The following HEG1 variants were observed in gnomAD, a reference collection of about 807,000 sequenced individuals.
HEG1 encodes the protein protein HEG homolog 1.
Under a neutral mutation model 125.6 loss-of-function variants are expected in HEG1, and 56 were observed. That is an observed-to-expected ratio of 0.45 (90% CI 0.36 to 0.56). HEG1 has a LOEUF of 0.56. Ranked by LOEUF, HEG1 falls within the 20% of genes least tolerant of loss-of-function variation. The pLI, the probability that HEG1 is intolerant of heterozygous loss-of-function variation, is 0.00. For missense variants in HEG1, 1,523 were observed against 1,670.0 expected, an observed-to-expected ratio of 0.91 and a Z score of 1.53; for synonymous variants, 644 against 668.5, an observed-to-expected ratio of 0.96 and a Z score of 0.57.
intron 1 of HEG1, among the ~76,000 whole-genome samples, chr3:125,037,647 T>G (rs566623916): frequency 6.6e-6 from 1 of 152,370 alleles, no homozygotes; most frequent in South Asian, 2.1e-4. Flanking sequence ...TGCTGGGCCC[T>G]GCTGGCCCCA....
At chr3:124,970,900 T>C (rs1375773730) in intron 16 of HEG1, 99 bp from the exon 17 acceptor site, 2 of 1,032,332 alleles carry the variant, frequency 1.9e-6, no homozygotes, top group Admixed American at 2.3e-5. Flanking sequence ...TAAGAAAAGA[T>C]CTGGGTTTAT....
At chr3:125,005,482 G>T in intron 8 of HEG1, 114 bp from the exon 9 acceptor site, 1 of 589,186 alleles carries the variant, frequency 1.7e-6, no homozygotes, top group Non-Finnish European at 2.9e-6. Flanking sequence ...GACAATCTCT[G>T]CATTTCTTTC....
intron 1 of HEG1, among the ~76,000 whole-genome samples, chr3:125,051,890 C>G (rs1333417952): frequency 6.6e-6 from 1 of 152,138 alleles, no homozygotes; most frequent in African/African-American, 2.4e-5. Flanking sequence ...TGCTGGAAGG[C>G]AGGAGGGATC....
chr3:125,019,353 G>C lies in HEG1; in HGVS notation c.1497C>G (p.His499Gln). The change falls in exon 5 of 17, where the codon CAC (histidine) becomes CAG (glutamine). Residue 499 changes from histidine to glutamine, a missense_variant. Transcript: ENST00000311127. ...SDSTVQSGGS[H>Q]TALGDRSYSE... ...AATAACTCCTATCTCCCAATGCTGT[G>C]TGACTTCCTCCAGACTGTACAGTAG... is the stretch of plus-strand genomic sequence containing the variant. 2 of 1,614,048 alleles carry C rather than the reference G, an allele frequency of 1.2e-6. No individual in the cohort carries two copies. The highest frequency in any genetic ancestry group is 1.7e-6 in the Non-Finnish European group (2 of 1,179,890).
chr3:124,979,914 C>G (rs1473436648), intron 14 of HEG1, among the ~76,000 whole-genome samples: 2 of 152,180 alleles, frequency 1.3e-5, no homozygotes, highest in African/African-American at 4.8e-5. Context: ...AACAATTTTC[C>G]TATCCTTTTA....
At chr3:124,995,751 G>A (rs1262062647) in intron 12 of HEG1, among the ~76,000 whole-genome samples, 1 of 152,204 alleles carries the variant, frequency 6.6e-6, no homozygotes, top group South Asian at 2.1e-4. Flanking sequence ...GTGAATCAAG[G>A]TTTCCTTATG....
chr3:124,994,533 T>A (rs937159616), intron 12 of HEG1, among the ~76,000 whole-genome samples: 8 of 147,190 alleles, frequency 5.4e-5, no homozygotes, highest in African/African-American at 1.8e-4. Context: ...GGAGACGGAG[T>A]CTTGCTCTGT....
chr3:124,989,684 C>A (rs1214534114), intron 14 of HEG1, among the ~76,000 whole-genome samples: 1 of 152,180 alleles, frequency 6.6e-6, no homozygotes, highest in South Asian at 2.1e-4. Flanking sequence ...CCCTCTACTT[C>A]CACCTGGAGC....
At chr3:124,984,201 A>C (rs1408072083) in intron 14 of HEG1, among the ~76,000 whole-genome samples, 1 of 152,162 alleles carries the variant, frequency 6.6e-6, no homozygotes. Context: ...ACAGTGTAGA[A>C]AGATATTTAA....
chr3:125,020,052 C>G (rs1200086268), intron 4 of HEG1, among the ~76,000 whole-genome samples: 2 of 152,194 alleles, frequency 1.3e-5, no homozygotes, highest in Admixed American at 1.3e-4. Context: ...TTAAGCCAAA[C>G]CACGAATTTG....
intron 4 of HEG1, 130 bp downstream of exon 4, chr3:125,020,662 C>T: frequency 1.4e-6 from 1 of 697,758 alleles, no homozygotes; most frequent in Non-Finnish European, 2.4e-6. Flanking sequence ...GAGTGACCAT[C>T]AAAATGCAAT....
At chr3:125,022,328 T>G (rs1380368410) in intron 3 of HEG1, among the ~76,000 whole-genome samples, 1 of 151,872 alleles carries the variant, frequency 6.6e-6, no homozygotes, top group African/African-American at 2.4e-5. Context: ...TTACAAACAT[T>G]TCCTTGAAGA....
At chr3:124,975,288 T>C (rs1468698161) in intron 15 of HEG1, among the ~76,000 whole-genome samples, 3 of 152,320 alleles carry the variant, frequency 2.0e-5, no homozygotes, top group Middle Eastern at 3.4e-3. Context: ...GTTCCCCCCA[T>C]CTGTTACATC....
intron 3 of HEG1, among the ~76,000 whole-genome samples, chr3:125,026,753 A>G (rs902431006): frequency 2.0e-5 from 3 of 152,152 alleles, no homozygotes; most frequent in African/African-American, 7.2e-5. Context: ...TAATCCCAGC[A>G]CTTTGGGAGG....
In HEG1 at chr3:124,997,731, A is replaced by T; in HGVS notation, c.3610T>A (p.Ser1204Thr). 3 of 1,595,444 alleles carry T rather than the reference A, an allele frequency of 1.9e-6. No individual in the cohort carries two copies. The highest frequency in any genetic ancestry group is 1.1e-5 in the South Asian group (1 of 88,316). The change falls in exon 12 of 17, where the codon TCG (serine) becomes ACG (threonine). Residue 1204 changes from serine (S) to threonine (T), a missense_variant. Transcript: ENST00000311127. Reference protein sequence around the residue: ...LDGVALCQCKSGYFQFNKMDH... With the variant: ...LDGVALCQCKTGYFQFNKMDH... ...ATCTTGTTGAACTGAAAGTATCCCG[A>T]CTTGCACTGGCACAGGGCAACGCCG... is the stretch of plus-strand genomic sequence containing the variant.
chr3:124,989,309 A>ATTT (rs1936791582), intron 14 of HEG1, among the ~76,000 whole-genome samples: 1 of 152,232 alleles, frequency 6.6e-6, no homozygotes, highest in Admixed American at 6.5e-5. Context: ...AAGAAATCAG[A>ATTT]TGTAAGGTAT....
intron 2 of HEG1, among the ~76,000 whole-genome samples, chr3:125,028,763 T>C (rs1937453635): frequency 6.6e-6 from 1 of 152,176 alleles, no homozygotes; most frequent in Admixed American, 6.5e-5. Flanking sequence ...ATTTTACCCA[T>C]TGAGCCCCAG....
intron 5 of HEG1, among the ~76,000 whole-genome samples, chr3:125,017,201 C>T (rs553025519): frequency 7.9e-5 from 12 of 152,216 alleles, no homozygotes; most frequent in Non-Finnish European, 1.5e-4. Flanking sequence ...ATTACAGGCA[C>T]GTGCCACTAT....
At chr3:125,050,952 C>T (rs11921016) in intron 1 of HEG1, among the ~76,000 whole-genome samples, 6,240 of 152,308 alleles carry the variant, frequency 0.041, 196 homozygotes, top group Middle Eastern at 0.085. Context: ...TTGACAGCAT[C>T]TGCATGGAGT....
Sources: gnomAD v4.1 joint callset for allele counts (sites outside exome capture counted in the v4.1 genomes callset) on GRCh38, gnomAD v4.1.1 for gene constraint, MANE v1.5 for transcripts, NCBI Gene and HGNC (gene_info 2026-07-23, HGNC 2026-07-21) for gene names.